HIC2: variants seen among roughly 807,000 people sequenced by gnomAD.
HIC2 encodes the protein hypermethylated in cancer 2 protein.
In HIC2, 2 loss-of-function variants were observed where a neutral mutation model predicts 39.5. The ratio of observed to expected loss-of-function variants is 0.05; its 90% CI spans 0.02 to 0.16. The LOEUF is 0.16. HIC2 is among the 10% of genes least tolerant of loss of function. HIC2 has a pLI of 1.00. For missense variants in HIC2, 713 were observed against 863.5 expected (o/e 0.83, Z 2.18); for synonymous variants, 399 against 368.8 (o/e 1.08, Z -0.94).
chr22:21,445,245 G>A lies in HIC2; in HGVS notation c.350G>A (p.Ser117Asn), dbSNP rs1489243556. 6.2e-7 allele frequency: 1 copy of A among 1,613,084 alleles called. No individual in the cohort carries two copies. Among genetic ancestry groups the A allele is most frequent in the East Asian group, 2.2e-5 (1 of 44,894 alleles). The change falls in exon 3 of 3, where the codon AGC becomes AAC. Residue 117 changes from serine to asparagine, a missense_variant. By Grantham distance (46) the Ser-to-Asn change is conservative. Transcript: ENST00000407464. ...PSDQPAEPNF[S>N]TLLTAASYLQ... ...GACCAGCCAGCCGAGCCCAACTTCA[G>A]CACCCTCCTCACTGCCGCCAGCTAC...
chr22:21,446,757 GCGGGCGCCCT>G lies in HIC2; in HGVS notation c.*16_*25del, dbSNP rs1217675977. The G allele has an allele frequency of 6.3e-7, 1 of 1,584,486 alleles. No homozygotes were observed. Among genetic ancestry groups the G allele is most frequent in the Non-Finnish European group, 8.6e-7 (1 of 1,162,178 alleles). On this transcript the variant is annotated 3_prime_UTR_variant, in exon 3 of 3. Coordinates refer to ENST00000407464, the MANE Select transcript of HIC2 (RefSeq NM_015094.3). Reference sequence around the variant, plus strand: ...TCCCCCTCCTAGAAGCCAAAGACCCGCGGGCGCCCTCTGCCACCTTGCTCCCCGGGAACCC... The same window carrying G: ...TCCCCCTCCTAGAAGCCAAAGACCCGCTGCCACCTTGCTCCCCGGGAACCC...
rs1923858100 is a variant in HIC2, at chr22:21,446,674, G to C, written c.1779G>C (p.Leu593=). 1 of 1,613,794 alleles carries C rather than the reference G, an allele frequency of 6.2e-7. No individual in the cohort carries two copies. Among genetic ancestry groups the C allele is most frequent in the East Asian group, 2.2e-5 (1 of 44,862 alleles). The change falls in exon 3 of 3, where the codon CTG becomes CTC. Residue 593 remains leucine (L), a synonymous_variant. Coordinates refer to ENST00000407464, the MANE Select transcript of HIC2 (RefSeq NM_015094.3). ...HSGEKPYECQ[L]CGGKFTQQRN... is the part of the protein sequence containing the mutation. Reference sequence around the variant, plus strand: ...GCGAGAAACCTTACGAGTGCCAGCTGTGCGGGGGCAAGTTCACCCAGCAGC... The same window carrying C: ...GCGAGAAACCTTACGAGTGCCAGCTCTGCGGGGGCAAGTTCACCCAGCAGC...
intron 2 of HIC2, among the ~76,000 whole-genome samples, chr22:21,443,440 T>C (rs1268514712): frequency 1.3e-5 from 2 of 151,958 alleles, no homozygotes; most frequent in Admixed American, 1.3e-4. Context: ...CATGAGAAGG[T>C]TGGGTAGGGT....
chr22:21,446,504 A>G lies in HIC2; in HGVS notation c.1609A>G (p.Ile537Val), dbSNP rs1248786628. The G allele has an allele frequency of 1.2e-6, 2 of 1,612,856 alleles. No homozygotes were observed. The highest frequency in any genetic ancestry group is 1.3e-5 in the African/African-American group (1 of 75,066). Reference protein sequence around the residue: ...HWLTRPFPCNICGKMFTQRGT... With the variant: ...HWLTRPFPCNVCGKMFTQRGT... ...GCTGACACGGCCCTTCCCCTGCAACATCTGTGGCAAAATGTTCACGCAGCG... is the reference window on the plus strand; with the variant it reads ...GCTGACACGGCCCTTCCCCTGCAACGTCTGTGGCAAAATGTTCACGCAGCG... Residue 537 changes from isoleucine to valine, a missense_variant, in exon 3 of 3, where the codon ATC becomes GTC. Ile to Val is a conservative substitution (Grantham distance 29). Coordinates refer to ENST00000407464, the MANE Select transcript of HIC2 (RefSeq NM_015094.3).
rs966288261 is a variant in HIC2 at position 21,450,106 on chromosome 22, G to A, written c.*3363G>A. ...AACAGTGTTGTTTTTGTATCAATAT[G>A]TTTGTGCAGTGATGAATGTATTTAT... On this transcript the variant is annotated 3_prime_UTR_variant, in exon 3 of 3. Transcript: ENST00000407464. The A allele has an allele frequency of 6.5e-6, 1 of 152,814 alleles. No homozygotes were observed. The highest frequency in any genetic ancestry group is 2.4e-5 in the African/African-American group (1 of 41,458). 9.5% of individuals were successfully genotyped at this position (152,814 alleles called of 1,614,324 possible).
chr22:21,436,649 A>AG (rs1346234389), intron 1 of HIC2, among the ~76,000 whole-genome samples: 2 of 135,080 alleles, frequency 1.5e-5, no homozygotes, highest in Non-Finnish European at 3.2e-5. Flanking sequence ...GTCTGGGAGG[A>AG]GAGCCAGGAG....
Position 21,446,235 on chromosome 22 carries a change from G to A in HIC2, c.1340G>A (p.Cys447Tyr), listed in dbSNP as rs1341664224. ...YGDNLYVCIP[C>Y]AKGFPSSEQL... ...GACAACTTGTATGTGTGCATTCCCT[G>A]CGCCAAGGGCTTCCCCAGCTCTGAG... The change falls in exon 3 of 3, where the codon TGC becomes TAC. Residue 447 changes from cysteine to tyrosine, a missense_variant. Cys to Tyr is a radical substitution (Grantham distance 194). Around this residue, in one of 5 missense-constraint regions of HIC2, gnomAD observed 11 missense variants for 28.3 expected, o/e 0.39. Transcript: ENST00000407464. 6.2e-7 allele frequency: 1 copy of A among 1,612,770 alleles called. No homozygotes were observed. Among genetic ancestry groups the A allele is most frequent in the Non-Finnish European group, 8.5e-7 (1 of 1,180,038 alleles).
chr22:21,444,834 C>G (rs1923709012), intron 2 of HIC2, 88 bp from the exon 3 acceptor site: 1 of 1,467,274 alleles, frequency 6.8e-7, no homozygotes, highest in Non-Finnish European at 9.2e-7. Context: ...TTCTGAGGCC[C>G]TTTGCCTCGT....
In HIC2 at chr22:21,443,703, C is replaced by T. The variant is rs1183874977; in HGVS notation, c.26+846C>T. On this transcript the variant is annotated intron_variant, in intron 2 of 2. Transcript: ENST00000407464. ...CGGGGCACAGGTGGCCACCTGGACA[C>T]TGGCATGCCTTCCCCAGCACCCTCC... Among the ~76,000 whole-genome samples, 4 of 152,192 alleles carry T rather than the reference C, an allele frequency of 2.6e-5. No homozygotes were observed. In the East Asian group the frequency reaches 5.8e-4, roughly 22 times the overall value.
chr22:21,447,792 G>GTGTA lies in HIC2; in HGVS notation c.*1053_*1056dup. The stretch of plus-strand genomic sequence containing the variant: ...TTTGTGTGTGCGTGCGTGTGTGTGT[G>GTGTA]TGTATGTGCGTATGTGTGTGTCTAT... On this transcript the variant is annotated 3_prime_UTR_variant, in exon 3 of 3. Transcript: ENST00000407464. The GTGTA allele has an allele frequency of 6.5e-6, 1 of 152,752 alleles. No homozygotes were observed. Among genetic ancestry groups the GTGTA allele is most frequent in the South Asian group, 2.1e-4 (1 of 4,824 alleles). 9.5% of individuals were successfully genotyped at this position (152,752 alleles called of 1,614,324 possible).
chr22:21,431,926 G>A (rs1187219530), intron 1 of HIC2, among the ~76,000 whole-genome samples: 7 of 122,674 alleles, frequency 5.7e-5, no homozygotes, highest in Admixed American at 1.9e-4. Flanking sequence ...AGCTATGATC[G>A]CGCCACTGCA....
At chr22:21,444,119 C>T (rs930162458) in intron 2 of HIC2, among the ~76,000 whole-genome samples, 7 of 152,238 alleles carry the variant, frequency 4.6e-5, no homozygotes, top group Admixed American at 2.6e-4. Context: ...AGACCAGCGG[C>T]GTCAGTGTGC....
At chr22:21,444,042 C>T (rs188848763) in intron 2 of HIC2, among the ~76,000 whole-genome samples, 61 of 152,150 alleles carry the variant, frequency 4.0e-4, no homozygotes, top group African/African-American at 1.3e-3. Context: ...GAGGAGCACC[C>T]GCTCAGAACC....
intron 2 of HIC2, among the ~76,000 whole-genome samples, chr22:21,444,190 C>T (rs1228639902): frequency 6.6e-6 from 1 of 152,248 alleles, no homozygotes; most frequent in African/African-American, 2.4e-5. Flanking sequence ...GCCAGCTGTC[C>T]ACCTTTCCTA....
intron 1 of HIC2, among the ~76,000 whole-genome samples, chr22:21,425,678 T>C (rs1411399934): frequency 6.9e-6 from 1 of 145,656 alleles, no homozygotes; most frequent in Non-Finnish European, 1.5e-5. Flanking sequence ...GTAGCTGGGA[T>C]TACAGGCGCC....
In HIC2 at chr22:21,446,831, GAC is replaced by G; in HGVS notation, c.*89_*90del. 1 of 1,506,558 alleles carries G rather than the reference GAC, an allele frequency of 6.6e-7. No individual in the cohort carries two copies. The highest frequency in any genetic ancestry group is 8.8e-7 in the Non-Finnish European group (1 of 1,130,034). 93.3% of individuals were successfully genotyped at this position (1,506,558 alleles called of 1,614,324 possible). On this transcript the variant is annotated 3_prime_UTR_variant, in exon 3 of 3. Transcript: ENST00000407464. ...CGAGGTGATGCAGCAGCAGGGGCAA[GAC>G]CCTGGGTCCAGTGGAGGCTCCGGGT...
At position 21,445,600 on chromosome 22, in the gene HIC2, C is replaced by T. The variant is rs139749703; in HGVS notation, c.705C>T (p.Asn235=). 4.8e-4 allele frequency: 759 copies of T among 1,578,250 alleles called. 3 individuals are homozygous for T. In the African/African-American group the frequency reaches 7.3e-3, roughly 15 times the overall value. ...TGGGGGGCTGCAGCAGCAGCACCAA[C>T]GGGAGCAGCGGGGGCTGCGAGCAGG... is the stretch of plus-strand genomic sequence containing the variant. ...AGLGGCSSST[N]GSSGGCEQEL... The change falls in exon 3 of 3, where the codon AAC becomes AAT. Residue 235 remains asparagine (N), a synonymous_variant. Transcript: ENST00000407464.
chr22:21,443,877 A>G (rs1601332242), intron 2 of HIC2, among the ~76,000 whole-genome samples: 1 of 152,166 alleles, frequency 6.6e-6, no homozygotes, highest in Non-Finnish European at 1.5e-5. Context: ...CGCCGGCCAC[A>G]GTCCTTGCCT....
chr22:21,446,164 C>T lies in HIC2; in HGVS notation c.1269C>T (p.Ala423=). 6.2e-7 allele frequency: 1 copy of T among 1,609,938 alleles called. No homozygotes were observed. The part of the protein sequence containing the change: ...GSEGGSGHAS[A]HYMYRQEGYE... ...AGGGGGGCAGCGGCCATGCCAGCGC[C>T]CACTACATGTACCGGCAGGAGGGCT... The change falls in exon 3 of 3, where the codon GCC becomes GCT. Residue 423 remains alanine, a synonymous_variant. Transcript: ENST00000407464.
Sources: gnomAD v4.1 joint callset for allele counts (sites outside exome capture counted in the v4.1 genomes callset) on GRCh38, gnomAD v4.1.1 for gene constraint, gnomAD v4.1.1 regional missense constraint, MANE v1.5 for transcripts, NCBI Gene and HGNC (gene_info 2026-07-23, HGNC 2026-07-21) for gene names.